The following AAR2 variants were observed in gnomAD, a reference collection of about 807,000 sequenced individuals.
AAR2 encodes protein AAR2 homolog.
In AAR2, 31 loss-of-function variants were observed where a neutral mutation model predicts 26.9. That is an observed-to-expected ratio of 1.15 (90% CI 0.86 to 1.55). The LOEUF is 1.55. Among genes scored for constraint, AAR2 ranks in the 40% most tolerant of loss-of-function variants. The probability of loss-of-function intolerance (pLI) is 0.00; values close to 1 mark genes in which losing one functional copy is unlikely to be tolerated. For missense variants in AAR2, 430 were observed against 491.3 expected (o/e 0.88, Z 1.18); for synonymous variants, 188 against 196.1 (o/e 0.96, Z 0.34).
At chr20:36,254,172 C>T (rs1402252874) in intron 3 of AAR2, among the ~76,000 whole-genome samples, 3 of 152,112 alleles carry the variant, frequency 2.0e-5, no homozygotes, top group Non-Finnish European at 4.4e-5. Context: ...TCACGATAGC[C>T]AGAAGGTAAA....
chr20:36,242,143 C>CT (rs11333425), intron 2 of AAR2, among the ~76,000 whole-genome samples: 1,121 of 101,994 alleles, frequency 0.011, 14 homozygotes, highest in African/African-American at 0.018. Context: ...TGTAGGACTT[C>CT]TTTTTTTTTT....
chr20:36,241,817 G>A lies in AAR2; in HGVS notation c.757+1192G>A, dbSNP rs185334138. ...TATATCATCTAGTGAACATTCTCGT[G>A]TGTACTTACACATACATTTAGGGAT... On this transcript the variant is annotated intron_variant, in intron 2 of 3. Coordinates refer to ENST00000320849, the MANE Select transcript of AAR2 (RefSeq NM_001271874.2). 5.5e-3 allele frequency among the ~76,000 whole-genome samples: 831 copies of A among 152,212 alleles called. 8 individuals are homozygous for A. The highest frequency in any genetic ancestry group is 9.9e-3 in the Admixed American group (151 of 15,286).
intron 2 of AAR2, 56 bp from the exon 3 acceptor site, chr20:36,244,641 A>T (rs984269726): frequency 1.6e-5 from 25 of 1,522,076 alleles, no homozygotes; most frequent in Middle Eastern, 3.4e-4. Flanking sequence ...AGTGATGGAG[A>T]GTGTCAGCTG....
At chr20:36,254,799 TA>T (rs542232915) in intron 3 of AAR2, among the ~76,000 whole-genome samples, 1 of 152,156 alleles carries the variant, frequency 6.6e-6, no homozygotes, top group Non-Finnish European at 1.5e-5. Flanking sequence ...ATACCGTAAG[TA>T]AAAAATGCAT....
chr20:36,253,319 T>A (rs1234111922), intron 3 of AAR2, among the ~76,000 whole-genome samples: 1 of 152,116 alleles, frequency 6.6e-6, no homozygotes, highest in Admixed American at 6.6e-5. Context: ...GCGATGTGGA[T>A]CAAAGAGCTT....
intron 3 of AAR2, among the ~76,000 whole-genome samples, chr20:36,250,968 G>A (rs374115324): frequency 6.6e-6 from 1 of 152,212 alleles, no homozygotes; most frequent in African/African-American, 2.4e-5. Flanking sequence ...AAGACAAGGT[G>A]CGTGGATCAC....
At position 36,256,095 on chromosome 20, in the gene AAR2, A is replaced by G. The variant is rs2064819102; in HGVS notation, c.*350A>G. 5.0e-6 allele frequency: 1 copy of G among 201,752 alleles called. No individual in the cohort carries two copies. Among genetic ancestry groups the G allele is most frequent in the Non-Finnish European group, 1.0e-5 (1 of 99,972 alleles). The allele number at this position is 201,752 out of a possible 1,614,324, so 12.5% of individuals were successfully genotyped here. ...GAATTGAACCAAAAGTCCAAGAAAG[A>G]ACTGATTGCTTGTTCCATAGGAGCT... is the stretch of plus-strand genomic sequence containing the variant. On this transcript the variant is annotated 3_prime_UTR_variant, in exon 4 of 4. Coordinates refer to ENST00000320849, the MANE Select transcript of AAR2 (RefSeq NM_001271874.2).
At chr20:36,237,937 C>T (rs1206770551) in intron 1 of AAR2, among the ~76,000 whole-genome samples, 1 of 151,828 alleles carries the variant, frequency 6.6e-6, no homozygotes, top group Non-Finnish European at 1.5e-5. Flanking sequence ...CGCACACCAC[C>T]ATGCGCGGCT....
At chr20:36,251,889 C>T (rs1410604906) in intron 3 of AAR2, among the ~76,000 whole-genome samples, 1 of 152,232 alleles carries the variant, frequency 6.6e-6, no homozygotes, top group Non-Finnish European at 1.5e-5. Context: ...TCCAGCCTGT[C>T]ACTCCTGGCC....
At chr20:36,251,845 G>T (rs1444909728) in intron 3 of AAR2, among the ~76,000 whole-genome samples, 5 of 152,230 alleles carry the variant, frequency 3.3e-5, no homozygotes, top group Non-Finnish European at 4.4e-5. Flanking sequence ...GAGGTGCTTT[G>T]GGAGGATGGG....
intron 3 of AAR2, among the ~76,000 whole-genome samples, chr20:36,247,366 C>T (rs981795932): frequency 9.9e-5 from 15 of 152,146 alleles, no homozygotes; most frequent in African/African-American, 3.6e-4. Context: ...CATAATGCAG[C>T]TGTGATCCTG....
intron 3 of AAR2, among the ~76,000 whole-genome samples, chr20:36,252,459 T>A (rs1454628149): frequency 6.6e-6 from 1 of 152,110 alleles, no homozygotes; most frequent in African/African-American, 2.4e-5. Flanking sequence ...CTGAGACTGA[T>A]CAAGGTAGCC....
At chr20:36,247,674 C>T (rs961236469) in intron 3 of AAR2, among the ~76,000 whole-genome samples, 15 of 152,108 alleles carry the variant, frequency 9.9e-5, no homozygotes, top group African/African-American at 3.1e-4. Flanking sequence ...TAGAGACCAG[C>T]CTGGCCAACA....
chr20:36,237,750 G>GTGTTATTAT (rs1288629237), intron 1 of AAR2, among the ~76,000 whole-genome samples: 1 of 139,050 alleles, frequency 7.2e-6, no homozygotes, highest in East Asian at 2.1e-4. Flanking sequence ...AAGATGATAC[G>GTGTTATTAT]TATTATTATT....
At position 36,240,567 on chromosome 20, in the gene AAR2, C is replaced by G; in HGVS notation, c.699C>G (p.Ser233Arg). ...AEITKHSMDL[S>R]YALETVLNKQ... ...TAACCAAGCACAGCATGGACCTGAG[C>G]TATGCCCTGGAGACTGTGCTCAACA... Residue 233 changes from serine (S) to arginine (R), a missense_variant, in exon 2 of 4, where the codon AGC becomes AGG. Ser to Arg is a moderately radical substitution (Grantham distance 110, BLOSUM62 -1). Coordinates refer to ENST00000320849, the MANE Select transcript of AAR2 (RefSeq NM_001271874.2). The G allele has an allele frequency of 6.2e-7, 1 of 1,613,692 alleles. No individual in the cohort carries two copies. The highest frequency in any genetic ancestry group is 1.1e-5 in the South Asian group (1 of 91,074).
At chr20:36,241,151 C>T (rs776802980) in intron 2 of AAR2, among the ~76,000 whole-genome samples, 8 of 151,994 alleles carry the variant, frequency 5.3e-5, no homozygotes, top group Non-Finnish European at 7.4e-5. Flanking sequence ...AAAAGAAAAA[C>T]AAAATTTACT....
chr20:36,240,150 CAG>C lies in AAR2; in HGVS notation c.283_284del (p.Arg95GlyfsTer12), dbSNP rs2064661907. The C allele has an allele frequency of 3.7e-6, 6 of 1,614,114 alleles. No homozygotes were observed. The Admixed American group carries it at 1.0e-4, about 27-fold the overall frequency. On this transcript the variant is annotated frameshift_variant, in exon 2 of 4. Transcript: ENST00000320849. LOFTEE classifies it high-confidence loss of function. ...GLTVLRWSTL[R>X]EEVDLSPAPE... ...TGACAGTGCTGCGCTGGAGCACACT[CAG>C]GGAAGAGGTAGACCTGTCCCCAGCC...
At chr20:36,242,143 C>CTTTTTTTTTT (rs11333425) in intron 2 of AAR2, among the ~76,000 whole-genome samples, 1 of 102,066 alleles carries the variant, frequency 9.8e-6, no homozygotes, top group Non-Finnish European at 1.9e-5. Context: ...TGTAGGACTT[C>CTTTTTTTTTT]TTTTTTTTTT....
intron 3 of AAR2, among the ~76,000 whole-genome samples, chr20:36,254,072 C>T (rs566182839): frequency 1.3e-5 from 2 of 152,264 alleles, no homozygotes; most frequent in Admixed American, 6.5e-5. Context: ...CCGTATGATC[C>T]AACAGCTCCA....
Sources: gnomAD v4.1 joint callset for allele counts (sites outside exome capture counted in the v4.1 genomes callset) on GRCh38, gnomAD v4.1.1 for gene constraint, MANE v1.5 for transcripts, NCBI Gene and HGNC (gene_info 2026-07-23, HGNC 2026-07-21) for gene names.